The following PLCG2 variants were observed in gnomAD, a reference collection of about 807,000 sequenced individuals.
The protein encoded by PLCG2 is phospholipase C gamma 2, also known as 1-phosphatidylinositol 4,5-bisphosphate phosphodiesterase gamma-2.
In PLCG2, 69 loss-of-function variants were observed where a neutral mutation model predicts 175.6. The ratio of observed to expected loss-of-function variants is 0.39; its 90% CI spans 0.32 to 0.48. The LOEUF (loss-of-function observed/expected upper bound fraction) is 0.48, where lower values mean the gene tolerates loss of function less well. Ranked by LOEUF, PLCG2 falls within the 20% of genes least tolerant of loss-of-function variation. PLCG2 has a pLI of 0.91. For missense variants in PLCG2, 1,798 were observed against 1,650.9 expected (o/e 1.09, Z -1.54); for synonymous variants, 827 against 624.0 (o/e 1.33, Z -4.85).
intron 2 of PLCG2, among the ~76,000 whole-genome samples, chr16:81,794,510 C>T (rs992432101): frequency 2.6e-5 from 4 of 152,060 alleles, no homozygotes; most frequent in African/African-American, 9.7e-5. Context: ...TACTGGTATG[C>T]GGTGATGGTA....
chr16:81,917,940 A>G (rs751890941), intron 19 of PLCG2, among the ~76,000 whole-genome samples: 2 of 151,976 alleles, frequency 1.3e-5, no homozygotes, highest in African/African-American at 2.4e-5. Context: ...CCAGGCTGGT[A>G]TCGAACTCCT....
At chr16:81,830,650 GTGTGT>G (rs1322585977) in intron 2 of PLCG2, among the ~76,000 whole-genome samples, 12 of 56,138 alleles carry the variant, frequency 2.1e-4, no homozygotes, top group African/African-American at 1.5e-3. Context: ...TGTGTGGGGT[GTGTGT>G]GTGTGTGTGT....
At chr16:81,814,372 T>G (rs1597333617) in intron 2 of PLCG2, among the ~76,000 whole-genome samples, 1 of 151,810 alleles carries the variant, frequency 6.6e-6, no homozygotes, top group Non-Finnish European at 1.5e-5. Context: ...ATCTGCGAGG[T>G]GGGGTGTAGC....
intron 14 of PLCG2, among the ~76,000 whole-genome samples, chr16:81,903,133 G>A (rs1456582410): frequency 6.6e-6 from 1 of 152,104 alleles, no homozygotes; most frequent in East Asian, 1.9e-4. Context: ...ATAAATTTTG[G>A]GAGGACACAG....
At position 81,785,849 on chromosome 16, in the gene PLCG2, A is replaced by G. The variant is rs556670256; in HGVS notation, c.-47-94A>G. On this transcript the variant is annotated intron_variant, in intron 1 of 32. Transcript: ENST00000564138. Reference sequence around the variant, plus strand: ...TCTCCTAAAACTCATCCTGATTGACATGAGACAGGATTTTGGTTCCTGAAG... The same window carrying G: ...TCTCCTAAAACTCATCCTGATTGACGTGAGACAGGATTTTGGTTCCTGAAG... 186 of 733,682 alleles carry G rather than the reference A, an allele frequency of 2.5e-4. 2 individuals carry two copies. In the African/African-American group the frequency reaches 3.0e-3, roughly 12 times the overall value. 45.4% of individuals were successfully genotyped at this position (733,682 alleles called of 1,614,324 possible).
At chr16:81,777,437 TA>T (rs750704164), upstream of PLCG2, among the ~76,000 whole-genome samples, 14,541 of 105,676 alleles carry the variant, frequency 0.14, 928 homozygotes, top group African/African-American at 0.23. Flanking sequence ...GCTGAAGTTC[TA>T]AAAAAAAAAA....
chr16:81,855,605 C>G (rs532945394), intron 3 of PLCG2, among the ~76,000 whole-genome samples: 1 of 152,282 alleles, frequency 6.6e-6, no homozygotes, highest in African/African-American at 2.4e-5. Flanking sequence ...GGACCTGGTG[C>G]CGCCTTTAAG....
chr16:81,771,314 AAC>A (rs1910275991), intron 2 of PLCG2, among the ~76,000 whole-genome samples: 1 of 152,138 alleles, frequency 6.6e-6, no homozygotes, highest in Non-Finnish European at 1.5e-5. Flanking sequence ...TGCAGCCTTA[AAC>A]GCCTGTGCTC....
chr16:81,949,293 T>G (rs1322327128), intron 31 of PLCG2, among the ~76,000 whole-genome samples: 2 of 152,174 alleles, frequency 1.3e-5, no homozygotes, highest in African/African-American at 4.8e-5. Context: ...TGGTTGCAGG[T>G]GAGATGAATA....
intron 2 of PLCG2, among the ~76,000 whole-genome samples, chr16:81,830,717 A>C (rs956401030): frequency 1.3e-5 from 2 of 151,838 alleles, no homozygotes; most frequent in Non-Finnish European, 2.9e-5. Flanking sequence ...ATATGAATGA[A>C]ATGGCAAAAT....
At chr16:81,935,243 T>C (rs12598402) in intron 26 of PLCG2, among the ~76,000 whole-genome samples, 53,602 of 151,948 alleles carry the variant, frequency 0.35, 11,633 homozygotes, top group Non-Finnish European at 0.46. Flanking sequence ...TGGCATTCCT[T>C]GGCCTTCTCC....
At chr16:81,912,845 AC>A (rs1909690159) in intron 19 of PLCG2, 129 bp downstream of exon 19, 2 of 1,151,888 alleles carry the variant, frequency 1.7e-6, no homozygotes, top group Non-Finnish European at 2.4e-6. Flanking sequence ...AGCGACAACA[AC>A]AACCACCACA....
At chr16:81,847,731 G>A (rs1906199225) in intron 2 of PLCG2, among the ~76,000 whole-genome samples, 1 of 152,158 alleles carries the variant, frequency 6.6e-6, no homozygotes, top group Non-Finnish European at 1.5e-5. Flanking sequence ...TATTCCCTGA[G>A]CAATACAGTA....
chr16:81,746,851 G>C (rs1288312922), intron 1 of PLCG2, among the ~76,000 whole-genome samples: 1 of 152,158 alleles, frequency 6.6e-6, no homozygotes, highest in Non-Finnish European at 1.5e-5. Flanking sequence ...AAACAGATGT[G>C]CTTTGTAACC....
At chr16:81,839,922 A>G (rs944554414) in intron 2 of PLCG2, among the ~76,000 whole-genome samples, 3 of 152,148 alleles carry the variant, frequency 2.0e-5, no homozygotes, top group Non-Finnish European at 4.4e-5. Flanking sequence ...GTGATGGTGC[A>G]TGCCTGTAGT....
chr16:81,769,496 G>C (rs1425645874), intron 2 of PLCG2, among the ~76,000 whole-genome samples: 3 of 152,182 alleles, frequency 2.0e-5, no homozygotes, highest in Admixed American at 6.5e-5. Context: ...GTCCTCTGTA[G>C]AAGTGTAAAT....
intron 8 of PLCG2, among the ~76,000 whole-genome samples, chr16:81,881,300 C>T (rs961982556): frequency 1.3e-5 from 2 of 152,022 alleles, no homozygotes; most frequent in Non-Finnish European, 2.9e-5. Context: ...GTGAAAAATT[C>T]CTTGTTAAAC....
intron 30 of PLCG2, among the ~76,000 whole-genome samples, chr16:81,943,796 A>T (rs879665054): frequency 2.0e-5 from 3 of 152,262 alleles, no homozygotes; most frequent in Non-Finnish European, 4.4e-5. Flanking sequence ...AAAATAGGTC[A>T]GAAAACTTCT....
At chr16:81,945,799 G>A (rs1206681369) in intron 30 of PLCG2, among the ~76,000 whole-genome samples, 2 of 152,228 alleles carry the variant, frequency 1.3e-5, no homozygotes, top group Non-Finnish European at 2.9e-5. Flanking sequence ...AAGGCTGTAA[G>A]TGGAGGAAAT....
Sources: allele counts gnomAD v4.1 joint callset (sites outside exome capture counted in the v4.1 genomes callset), GRCh38; gene constraint gnomAD v4.1.1; transcripts MANE v1.5; gene names NCBI Gene and HGNC (gene_info 2026-07-23, HGNC 2026-07-21).